Variants in SMC6 observed in about 807,000 individuals in gnomAD.
SMC6 encodes structural maintenance of chromosomes 6, also known as structural maintenance of chromosomes protein 6.
In SMC6, 79 loss-of-function variants were observed where a neutral mutation model predicts 142.2. The observed-to-expected ratio is 0.56, with a 90% CI of 0.46 to 0.67. The LOEUF (loss-of-function observed/expected upper bound fraction) is 0.67, where lower values mean the gene tolerates loss of function less well. SMC6 is among the 30% of genes least tolerant of loss of function. The probability of loss-of-function intolerance (pLI) is 0.00; values close to 1 mark genes in which losing one functional copy is unlikely to be tolerated. For missense variants in SMC6, 1,072 were observed against 1,284.0 expected, an observed-to-expected ratio of 0.83 and a Z score of 2.52; for synonymous variants, 411 against 412.4, an observed-to-expected ratio of 1.00 and a Z score of 0.04.
Position 17,726,481 on chromosome 2 carries a change from A to G in SMC6, c.544-12T>C. 1 of 1,602,556 alleles carries G rather than the reference A, an allele frequency of 6.2e-7. No individual in the cohort carries two copies. Among genetic ancestry groups the G allele is most frequent in the East Asian group, 2.2e-5 (1 of 44,664 alleles). On this transcript the variant is annotated splice_polypyrimidine_tract_variant and intron_variant, in intron 7 of 27. Transcript: ENST00000448223. ...ACTGGATTATCCACCTCAAACAAAC[A>G]AAAAGTCATTTTTGAATATTTTACT...
intron 8 of SMC6, 26 bp from the exon 9 acceptor site, chr2:17,725,384 C>A: frequency 6.7e-7 from 1 of 1,494,708 alleles, no homozygotes; most frequent in Non-Finnish European, 9.0e-7. Context: ...AAAAAAAACG[C>A]AATTAGGAGT....
rs1671138782 is a variant in SMC6 at position 17,753,010 on chromosome 2, A to G, written c.-38T>C. ...CCTATTGGTTCTACAACCTTTCTCTACCCTAGAGTCCTGTTTTCCGCAATT... is the reference window on the plus strand; with the variant it reads ...CCTATTGGTTCTACAACCTTTCTCTGCCCTAGAGTCCTGTTTTCCGCAATT... On this transcript the variant is annotated 5_prime_UTR_variant, in exon 2 of 28. Coordinates refer to ENST00000448223, the MANE Select transcript of SMC6 (RefSeq NM_001142286.2). The G allele has an allele frequency of 1.0e-6, 1 of 984,826 alleles. No individual in the cohort carries two copies. The allele number at this position is 984,826 out of a possible 1,614,324, so 61.0% of individuals were successfully genotyped here.
rs116828045 is a variant in SMC6 at position 17,678,145 on chromosome 2, T to C, written c.2910+714A>G. On this transcript the variant is annotated intron_variant, in intron 25 of 27. Transcript: ENST00000448223. The stretch of plus-strand genomic sequence containing the variant: ...ATCTAGGGACAACTTCAGAAGTAAA[T>C]AGTATAAACACAATTAAGTGGGGAA... Among the ~76,000 whole-genome samples, 438 of 152,184 alleles carry C rather than the reference T, an allele frequency of 2.9e-3. 2 individuals are homozygous for C. The highest frequency in any genetic ancestry group is 0.01 in the African/African-American group (427 of 41,528).
At chr2:17,700,848 A>G (rs1668235139) in intron 20 of SMC6, among the ~76,000 whole-genome samples, 3 of 152,088 alleles carry the variant, frequency 2.0e-5, no homozygotes, top group Middle Eastern at 3.4e-3. Flanking sequence ...CCTGACCAAC[A>G]GGGTGAAAGC....
intron 24 of SMC6, 22 bp from the exon 25 acceptor site, chr2:17,678,986 A>G: frequency 6.4e-7 from 1 of 1,558,438 alleles, no homozygotes; most frequent in East Asian, 2.2e-5. Context: ...AAAATTAGGC[A>G]CATTAAAAAG....
rs918008964 is a variant in SMC6 at position 17,709,577 on chromosome 2, C to T, written c.1731-824G>A. The stretch of plus-strand genomic sequence containing the variant: ...GTATCTTTGCATACATGTTTTATAC[C>T]TATTCATCCATTAATTCAACACATA... On this transcript the variant is annotated intron_variant, in intron 16 of 27. Transcript: ENST00000448223. Among the ~76,000 whole-genome samples the T allele has an allele frequency of 6.6e-5, 10 of 152,128 alleles. No individual in the cohort carries two copies. In the East Asian group the frequency reaches 1.9e-3, roughly 29 times the overall value.
At chr2:17,736,973 T>C (rs540338934) in intron 5 of SMC6, among the ~76,000 whole-genome samples, 1 of 152,144 alleles carries the variant, frequency 6.6e-6, no homozygotes, top group Non-Finnish European at 1.5e-5. Flanking sequence ...ACTATTAACT[T>C]AAAGGTGTTA....
intron 3 of SMC6, among the ~76,000 whole-genome samples, chr2:17,743,729 G>A (rs564503911): frequency 6.9e-4 from 105 of 152,156 alleles, no homozygotes; most frequent in African/African-American, 2.3e-3. Flanking sequence ...CTAAAAATCC[G>A]GTGCTCAACC....
At chr2:17,738,382 G>T in intron 4 of SMC6, 56 bp from the exon 5 acceptor site, 2 of 1,255,206 alleles carry the variant, frequency 1.6e-6, no homozygotes, top group Non-Finnish European at 1.1e-6. Flanking sequence ...GGAAAAAGCT[G>T]ACTCCTACCA....
chr2:17,675,292 T>C (rs1666950404), intron 25 of SMC6, among the ~76,000 whole-genome samples: 1 of 152,116 alleles, frequency 6.6e-6, no homozygotes, highest in East Asian at 1.9e-4. Flanking sequence ...CTCCATGTAC[T>C]TCTATTCCCT....
chr2:17,738,089 A>G, intron 5 of SMC6, 132 bp downstream of exon 5: 1 of 628,560 alleles, frequency 1.6e-6, no homozygotes, highest in Non-Finnish European at 2.7e-6. Flanking sequence ...AAAGGAATGA[A>G]AAAATAGGAC....
chr2:17,686,700 A>G (rs757231157), intron 23 of SMC6, among the ~76,000 whole-genome samples: 11 of 152,108 alleles, frequency 7.2e-5, no homozygotes, highest in Non-Finnish European at 1.3e-4. Flanking sequence ...CTGTACATGT[A>G]TGACATACAT....
rs776299317 is a variant in SMC6, at chr2:17,708,534, C to T, written c.1845+105G>A. 81 of 467,102 alleles carry T rather than the reference C, an allele frequency of 1.7e-4. No individual in the cohort carries two copies. The Middle Eastern group carries it at 6.7e-3, about 38-fold the overall frequency. 28.9% of individuals were successfully genotyped at this position (467,102 alleles called of 1,614,324 possible). On this transcript the variant is annotated intron_variant, in intron 17 of 27. Coordinates refer to ENST00000448223, the MANE Select transcript of SMC6 (RefSeq NM_001142286.2). ...CAGGTAAAAGTACAATAGTGAAACA[C>T]ATCAGCAACTCTATGATAAAAGGGG...
intron 25 of SMC6, among the ~76,000 whole-genome samples, chr2:17,671,608 CAAAAAAAAA>C (rs373510441): frequency 1.2e-5 from 1 of 83,354 alleles, no homozygotes; most frequent in South Asian, 4.8e-4. Context: ...GACCCCGTCT[CAAAAAAAAA>C]AAAAAAAAAA....
intron 21 of SMC6, among the ~76,000 whole-genome samples, chr2:17,699,368 G>T (rs568660547): frequency 6.6e-6 from 1 of 152,158 alleles, no homozygotes; most frequent in South Asian, 2.1e-4. Context: ...CTTGCTATCT[G>T]TAAGACCTTT....
At chr2:17,705,159 G>C (rs977882995) in intron 18 of SMC6, among the ~76,000 whole-genome samples, 1 of 152,114 alleles carries the variant, frequency 6.6e-6, no homozygotes, top group Non-Finnish European at 1.5e-5. Context: ...TCGGGAGGCT[G>C]AGGCAGGAAA....
intron 21 of SMC6, 80 bp from the exon 22 acceptor site, chr2:17,696,506 A>C (rs192122334): frequency 1.4e-6 from 2 of 1,438,110 alleles, no homozygotes; most frequent in East Asian, 4.6e-5. Flanking sequence ...CAACTCGGTA[A>C]AGTGGCTAGG....
intron 26 of SMC6, among the ~76,000 whole-genome samples, chr2:17,670,167 T>C (rs1434549143): frequency 6.6e-6 from 1 of 152,044 alleles, no homozygotes; most frequent in East Asian, 1.9e-4. Flanking sequence ...AAAACGCAGA[T>C]ATGATGGAAG....
chr2:17,726,087 T>TAAAAAAAAAAA lies in SMC6; in HGVS notation c.624+291_624+301dup, dbSNP rs35471536. On this transcript the variant is annotated intron_variant, in intron 8 of 27. Coordinates refer to ENST00000448223, the MANE Select transcript of SMC6 (RefSeq NM_001142286.2). Reference sequence around the variant, plus strand: ...TGGAAGACAGAGCAAGGCTCTGTCTTAAAAAAAAAAAAAAAAAAAAAAAAA... The same window carrying TAAAAAAAAAAA: ...TGGAAGACAGAGCAAGGCTCTGTCTTAAAAAAAAAAAAAAAAAAAAAAAAAAAAAAAAAAAA... Among the ~76,000 whole-genome samples, 174 of 54,954 alleles carry TAAAAAAAAAAA rather than the reference T, an allele frequency of 3.2e-3. 15 individuals are homozygous for TAAAAAAAAAAA. Among genetic ancestry groups the TAAAAAAAAAAA allele is most frequent in the African/African-American group, 9.8e-3 (108 of 11,026 alleles). The allele number at this position is 54,954 out of a possible 152,430, so 36.1% of individuals were successfully genotyped here. A position where few individuals can be genotyped will look rare whatever the true frequency, so the allele number is the denominator to read the frequency against.
Sources: allele counts gnomAD v4.1 joint callset (sites outside exome capture counted in the v4.1 genomes callset), GRCh38; gene constraint gnomAD v4.1.1; transcripts MANE v1.5; gene names NCBI Gene and HGNC (gene_info 2026-07-23, HGNC 2026-07-21).